The following HDAC9 variants were observed in gnomAD, a reference collection of about 807,000 sequenced individuals.
The protein encoded by HDAC9 is histone deacetylase 9.
Under a neutral mutation model 139.4 loss-of-function variants are expected in HDAC9, and 41 were observed. That is an observed-to-expected ratio of 0.29 (90% confidence interval 0.23 to 0.38). The LOEUF (loss-of-function observed/expected upper bound fraction) is 0.38. HDAC9 is among the 10% of genes least tolerant of loss of function. The pLI is 1.00. For synonymous variants in HDAC9, 517 were observed against 476.2 expected (o/e 1.09, Z -1.12); for missense variants, 1,147 against 1,297.0 (o/e 0.88, Z 1.78).
intron 8 of HDAC9, among the ~76,000 whole-genome samples, chr7:18,641,418 G>T (rs1167197775): frequency 1.0e-5 from 1 of 99,150 alleles, no homozygotes; most frequent in Non-Finnish European, 2.9e-5. Flanking sequence ...TTACTTTTCT[G>T]TGCACCTAAC....
chr7:18,580,606 A>G (rs1282487890), intron 2 of HDAC9, among the ~76,000 whole-genome samples: 1 of 152,184 alleles, frequency 6.6e-6, no homozygotes, highest in South Asian at 2.1e-4. Context: ...TTTATTTACA[A>G]CTAATGTGAA....
chr7:18,808,226 A>T (rs1793884578), intron 17 of HDAC9: 1 of 152,196 alleles, frequency 6.6e-6, no homozygotes, highest in African/African-American at 2.4e-5. Flanking sequence ...CTGCCAAATC[A>T]ACCCTGGTGA....
At chr7:18,273,985 T>G (rs1796553063) in intron 2 of HDAC9, among the ~76,000 whole-genome samples, 1 of 152,152 alleles carries the variant, frequency 6.6e-6, no homozygotes, top group African/African-American at 2.4e-5. Flanking sequence ...TTCTGAGGAA[T>G]GTAAATTGGT....
intron 1 of HDAC9, among the ~76,000 whole-genome samples, chr7:18,311,091 A>AT (rs1554367379): frequency 4.9e-4 from 9 of 18,276 alleles, no homozygotes; most frequent in African/African-American, 9.1e-4. Flanking sequence ...TTCTGGAGAG[A>AT]GGTGATGATG....
At chr7:18,950,732 C>G (rs112822572) in intron 23 of HDAC9, among the ~76,000 whole-genome samples, 7,756 of 151,714 alleles carry the variant, frequency 0.051, 237 homozygotes, top group Middle Eastern at 0.092. Flanking sequence ...TTGAGGAGCA[C>G]GCAATATTTG....
chr7:18,871,642 A>C (rs1798925073), intron 21 of HDAC9, among the ~76,000 whole-genome samples: 2 of 152,206 alleles, frequency 1.3e-5, no homozygotes, highest in African/African-American at 4.8e-5. Flanking sequence ...AAAATTTTAA[A>C]TCAGTGCTTT....
chr7:18,651,821 A>T (rs960951086), intron 11 of HDAC9, among the ~76,000 whole-genome samples: 1 of 152,078 alleles, frequency 6.6e-6, no homozygotes, highest in African/African-American at 2.4e-5. Flanking sequence ...GTTACGGTGT[A>T]AGTGTTCAAG....
At chr7:18,544,585 A>G (rs1023634053) in intron 2 of HDAC9, among the ~76,000 whole-genome samples, 1 of 152,210 alleles carries the variant, frequency 6.6e-6, no homozygotes, top group Non-Finnish European at 1.5e-5. Context: ...TGAAGATACA[A>G]GTTCTGAGGT....
intron 14 of HDAC9, among the ~76,000 whole-genome samples, chr7:18,751,941 T>A (rs1005581696): frequency 1.4e-4 from 22 of 151,810 alleles, no homozygotes; most frequent in African/African-American, 5.1e-4. Flanking sequence ...CCTAGTGCTC[T>A]CCCAAGTCCA....
chr7:18,464,528 C>T (rs764524815), intron 1 of HDAC9, among the ~76,000 whole-genome samples: 7 of 151,910 alleles, frequency 4.6e-5, no homozygotes, highest in Non-Finnish European at 2.9e-5. Flanking sequence ...TCTTCACATG[C>T]CTAGTCATTT....
At chr7:18,642,301 C>T (rs1334146843) in intron 8 of HDAC9, among the ~76,000 whole-genome samples, 1 of 152,084 alleles carries the variant, frequency 6.6e-6, no homozygotes, top group Non-Finnish European at 1.5e-5. Flanking sequence ...TTTATTCCTG[C>T]CATGAGCTTC....
At chr7:18,454,638 T>C (rs552906379) in intron 1 of HDAC9, among the ~76,000 whole-genome samples, 4 of 152,204 alleles carry the variant, frequency 2.6e-5, no homozygotes, top group Non-Finnish European at 5.9e-5. Flanking sequence ...ACTTTTCTTA[T>C]TGCTCACCAT....
intron 22 of HDAC9, among the ~76,000 whole-genome samples, chr7:18,874,835 C>G (rs973971454): frequency 2.0e-5 from 3 of 152,112 alleles, no homozygotes; most frequent in Admixed American, 6.5e-5. Context: ...AAATCGTATG[C>G]TTTTCAGGAG....
intron 2 of HDAC9, among the ~76,000 whole-genome samples, chr7:18,184,612 T>C (rs1181005137): frequency 6.6e-6 from 1 of 152,156 alleles, no homozygotes; most frequent in Non-Finnish European, 1.5e-5. Context: ...GTTCAAAAAG[T>C]TTCAGATTTT....
intron 1 of HDAC9, among the ~76,000 whole-genome samples, chr7:18,416,225 G>A (rs1789046726): frequency 6.6e-6 from 1 of 152,002 alleles, no homozygotes; most frequent in South Asian, 2.1e-4. Context: ...GAACCCGGGA[G>A]GCAGAGGTTG....
At chr7:18,117,219 A>T (rs939777284) in intron 1 of HDAC9, among the ~76,000 whole-genome samples, 3 of 152,174 alleles carry the variant, frequency 2.0e-5, no homozygotes, top group African/African-American at 7.2e-5. Flanking sequence ...ATACTGGAGT[A>T]GGGTGGCCTA....
chr7:18,293,566 C>T (rs186354611), intron 1 of HDAC9, among the ~76,000 whole-genome samples: 2 of 152,254 alleles, frequency 1.3e-5, no homozygotes, highest in Admixed American at 1.3e-4. Flanking sequence ...TGCAAACCAT[C>T]TTCCAGAATT....
At chr7:18,956,540 C>T (rs552895441) in intron 24 of HDAC9, among the ~76,000 whole-genome samples, 1 of 152,012 alleles carries the variant, frequency 6.6e-6, no homozygotes, top group Non-Finnish European at 1.5e-5. Context: ...CTCTTCAAGA[C>T]CATAAACAAC....
intron 17 of HDAC9, among the ~76,000 whole-genome samples, chr7:18,825,495 G>A (rs1046186924): frequency 6.6e-6 from 1 of 152,080 alleles, no homozygotes; most frequent in Non-Finnish European, 1.5e-5. Flanking sequence ...GGAGTTAGTA[G>A]CATGGCGGCC....
Sources: gnomAD v4.1 joint callset for allele counts (sites outside exome capture counted in the v4.1 genomes callset) on GRCh38, gnomAD v4.1.1 for gene constraint, MANE v1.5 for transcripts, NCBI Gene and HGNC (gene_info 2026-07-23, HGNC 2026-07-21) for gene names.